RLF: variants seen among roughly 807,000 people sequenced by gnomAD.
The protein encoded by RLF is RLF zinc finger.
RLF carries 7 observed loss-of-function variants against 162.9 expected under a neutral mutation model. The observed-to-expected ratio is 0.04, with a 90% CI of 0.02 to 0.08. The LOEUF (loss-of-function observed/expected upper bound fraction) is 0.08. RLF is among the 10% of genes least tolerant of loss of function. RLF has a pLI of 1.00. For missense variants in RLF, 1,664 were observed against 2,244.7 expected (o/e 0.74, Z 5.23); for synonymous variants, 782 against 791.5 (o/e 0.99, Z 0.20).
chr1:40,214,057 T>G (rs2124548903), intron 5 of RLF, among the ~76,000 whole-genome samples: 1 of 152,376 alleles, frequency 6.6e-6, no homozygotes, highest in African/African-American at 2.4e-5. Flanking sequence ...GTGGCCAAGG[T>G]GATCCTTTTT....
intron 1 of RLF, among the ~76,000 whole-genome samples, chr1:40,170,486 G>T (rs1009587054): frequency 1.3e-5 from 2 of 152,122 alleles, no homozygotes; most frequent in African/African-American, 4.8e-5. Flanking sequence ...GTTTCAAACT[G>T]CTGAGCTCAA....
At chr1:40,169,770 G>A (rs548359174) in intron 1 of RLF, among the ~76,000 whole-genome samples, 1 of 146,192 alleles carries the variant, frequency 6.8e-6, no homozygotes, top group Admixed American at 6.9e-5. Flanking sequence ...TCGGCTCACT[G>A]CAACCTCCGC....
intron 6 of RLF, among the ~76,000 whole-genome samples, chr1:40,224,394 C>A (rs1382440448): frequency 6.7e-6 from 1 of 149,076 alleles, no homozygotes; most frequent in East Asian, 2.0e-4. Flanking sequence ...CTGCAACCTC[C>A]GCCTCCCGAG....
In RLF at chr1:40,180,605, G is replaced by C. The variant is rs529210302; in HGVS notation, c.238-8450G>C. 2.0e-5 allele frequency among the ~76,000 whole-genome samples: 3 copies of C among 152,164 alleles called. No homozygotes were observed. In the East Asian group the frequency reaches 5.8e-4, roughly 29 times the overall value. ...AGTCAATCCTAATGGGTGCGAAGTC[G>C]TATCTCATTGTGGTTTTCATTTGGA... On this transcript the variant is annotated intron_variant, in intron 1 of 7. Transcript: ENST00000372771.
At position 40,230,582 on chromosome 1, in the gene RLF, A is replaced by T. The variant is rs190285276; in HGVS notation, c.948-935A>T. ...CAAGTAGCTGGGATTACAGGCATCC[A>T]CCACCACACTCAGCTAAGTTTTATA... On this transcript the variant is annotated intron_variant, in intron 6 of 7. Transcript: ENST00000372771. 1.4e-4 allele frequency among the ~76,000 whole-genome samples: 22 copies of T among 152,156 alleles called. No individual in the cohort carries two copies. In the East Asian group the frequency reaches 4.2e-3, roughly 29 times the overall value.
intron 4 of RLF, among the ~76,000 whole-genome samples, chr1:40,201,134 A>G (rs1642714169): frequency 1.5e-5 from 2 of 135,540 alleles, no homozygotes; most frequent in Non-Finnish European, 3.1e-5. Flanking sequence ...TCCCAGACCT[A>G]ATAAATCAGA....
At chr1:40,228,082 C>T (rs887320969) in intron 6 of RLF, among the ~76,000 whole-genome samples, 5 of 151,956 alleles carry the variant, frequency 3.3e-5, no homozygotes, top group African/African-American at 4.8e-5. Context: ...GTCAGGAGTT[C>T]GAGACCAGCC....
chr1:40,201,025 A>C, intron 4 of RLF, among the ~76,000 whole-genome samples: 1 of 68,394 alleles, frequency 1.5e-5, no homozygotes, highest in African/African-American at 5.9e-5. Flanking sequence ...GCTACTCTAC[A>C]CACACAAACA....
intron 5 of RLF, among the ~76,000 whole-genome samples, chr1:40,208,479 G>A (rs574168410): frequency 1.3e-5 from 2 of 152,298 alleles, no homozygotes; most frequent in East Asian, 3.9e-4. Flanking sequence ...CAAGCACTGT[G>A]CTGTGTGCTT....
chr1:40,230,046 G>A (rs1307876439), intron 6 of RLF, among the ~76,000 whole-genome samples: 1 of 151,790 alleles, frequency 6.6e-6, no homozygotes, highest in African/African-American at 2.4e-5. Context: ...CCTGGGAGGT[G>A]GAGGTTGCGG....
Position 40,161,830 on chromosome 1 carries a change from G to A in RLF, c.237+194G>A, listed in dbSNP as rs1200599686. Among the ~76,000 whole-genome samples, 1 of 152,184 alleles carries A rather than the reference G, an allele frequency of 6.6e-6. No homozygotes were observed. The highest frequency in any genetic ancestry group is 1.5e-5 in the Non-Finnish European group (1 of 68,036). On this transcript the variant is annotated intron_variant, in intron 1 of 7. Coordinates refer to ENST00000372771, the MANE Select transcript of RLF (RefSeq NM_012421.4). The surrounding 1 kb of genome is among the most constrained non-coding windows in gnomAD (Gnocchi z 4.4). The stretch of plus-strand genomic sequence containing the variant: ...GCGCCACTGCCCGACTTTGGCCACC[G>A]CTGGGTCGTTTTGCTCTGAGCCTTA...
At position 40,202,629 on chromosome 1, in the gene RLF, G is replaced by A. The variant is rs1008416158; in HGVS notation, c.810+15G>A. ...CTATTAAGGAGGTGAGTAAATAATT[G>A]TTGTCATTCAAACTTGGTATTAATT... On this transcript the variant is annotated intron_variant, in intron 5 of 7. Transcript: ENST00000372771. 3 of 1,399,558 alleles carry A rather than the reference G, an allele frequency of 2.1e-6. No homozygotes were observed. The highest frequency in any genetic ancestry group is 5.3e-5 in the Admixed American group (2 of 37,514). The allele number at this position is 1,399,558 out of a possible 1,614,324, so 86.7% of individuals were successfully genotyped here.
chr1:40,210,426 C>T (rs1348214510), intron 5 of RLF, among the ~76,000 whole-genome samples: 4 of 152,150 alleles, frequency 2.6e-5, no homozygotes, highest in Non-Finnish European at 5.9e-5. Flanking sequence ...AGCACAGGTA[C>T]TAATGAGTAC....
rs773662383 is a variant in RLF, at chr1:40,239,035, C to A, written c.4333C>A (p.His1445Asn). ...EGEIHSDYEI[H>N]CDLNGCGQIF... ...GGAAATACATTCAGATTATGAAATT[C>A]ATTGTGATCTTAATGGCTGTGGCCA... Residue 1445 changes from histidine (H) to asparagine (N), a missense_variant, in exon 8 of 8, where the codon CAT becomes AAT. Physicochemically the swap from His to Asn is moderately conservative, Grantham distance 68. Coordinates refer to ENST00000372771, the MANE Select transcript of RLF (RefSeq NM_012421.4). 4 of 1,614,050 alleles carry A rather than the reference C, an allele frequency of 2.5e-6. No homozygotes were observed. Among genetic ancestry groups the A allele is most frequent in the Non-Finnish European group, 3.4e-6 (4 of 1,180,012 alleles).
intron 1 of RLF, among the ~76,000 whole-genome samples, chr1:40,184,249 A>G (rs76187329): frequency 0.048 from 7,355 of 152,262 alleles, 580 homozygotes; most frequent in African/African-American, 0.17. Context: ...TTCCCCTTGG[A>G]CATTAATTTT....
chr1:40,167,038 A>T (rs190279640), intron 1 of RLF, among the ~76,000 whole-genome samples: 11 of 152,290 alleles, frequency 7.2e-5, no homozygotes, highest in Non-Finnish European at 1.6e-4. Flanking sequence ...AAGGAACAGG[A>T]TAGGAGCTTT....
In RLF at chr1:40,206,580, G is replaced by A. The variant is rs377549700; in HGVS notation, c.810+3966G>A. Among the ~76,000 whole-genome samples, 6 of 152,200 alleles carry A rather than the reference G, an allele frequency of 3.9e-5. No homozygotes were observed. The South Asian group carries it at 1.2e-3, about 32-fold the overall frequency. Reference sequence around the variant, plus strand: ...CAGAATAATCTCTCTAAAACTTGTCGTGCCATGCCACTTCTCTGCACACAA... The same window carrying A: ...CAGAATAATCTCTCTAAAACTTGTCATGCCATGCCACTTCTCTGCACACAA... On this transcript the variant is annotated intron_variant, in intron 5 of 7. Coordinates refer to ENST00000372771, the MANE Select transcript of RLF (RefSeq NM_012421.4).
At position 40,161,732 on chromosome 1, in the gene RLF, G is replaced by T; in HGVS notation, c.237+96G>T. On this transcript the variant is annotated intron_variant, in intron 1 of 7. Coordinates refer to ENST00000372771, the MANE Select transcript of RLF (RefSeq NM_012421.4). The surrounding 1 kb of genome is among the most constrained non-coding windows in gnomAD (Gnocchi z 4.4). ...TAAGCAGCCGGGTCCAAACTGAAAG[G>T]CGCCACCTCCGTGACTCGCCGCGCC... The T allele has an allele frequency of 6.7e-7, 1 of 1,489,436 alleles. No homozygotes were observed. Among genetic ancestry groups the T allele is most frequent in the Non-Finnish European group, 8.9e-7 (1 of 1,125,920 alleles). 92.3% of individuals were successfully genotyped at this position (1,489,436 alleles called of 1,614,324 possible). A position where few individuals can be genotyped will look rare whatever the true frequency, so the allele number is the denominator to read the frequency against.
intron 1 of RLF, among the ~76,000 whole-genome samples, 170 bp from the exon 2 acceptor site, chr1:40,188,885 A>C (rs1339575388): frequency 2.0e-5 from 3 of 152,220 alleles, no homozygotes; most frequent in Non-Finnish European, 4.4e-5. Flanking sequence ...GAAATCATTC[A>C]TTAAGTGATG....
Sources: gnomAD v4.1 joint callset for allele counts (sites outside exome capture counted in the v4.1 genomes callset) on GRCh38, gnomAD v4.1.1 for gene constraint, Gnocchi (gnomAD v3.1) non-coding constraint, MANE v1.5 for transcripts, NCBI Gene and HGNC (gene_info 2026-07-23, HGNC 2026-07-21) for gene names.